Variants in WWOX observed in about 807,000 individuals in gnomAD.
WWOX encodes the protein WW domain-containing oxidoreductase.
A neutral mutation model predicts 46.2 loss-of-function variants in WWOX; 69 were observed. That is an observed-to-expected ratio of 1.49 (90% confidence interval 1.23 to 1.82). The LOEUF is 1.82. Among genes scored for constraint, WWOX ranks in the 40% most tolerant of loss-of-function variants. WWOX has a pLI of 0.00. For missense variants in WWOX, 919 were observed against 542.6 expected, an observed-to-expected ratio of 1.69 and a Z score of -6.89; for synonymous variants, 359 against 202.6, an observed-to-expected ratio of 1.77 and a Z score of -6.56.
Position 78,410,686 on chromosome 16 carries a change from A to G in WWOX, c.606-14184A>G, listed in dbSNP as rs547963799. On this transcript the variant is annotated intron_variant, in intron 6 of 8. Coordinates refer to ENST00000566780, the MANE Select transcript of WWOX (RefSeq NM_016373.4). The stretch of plus-strand genomic sequence containing the variant: ...TTGGGCATGGTGGCACATGCATGTA[A>G]TCCCAGTTAGTTGGGGGGCTAAGGC... Among the ~76,000 whole-genome samples the G allele has an allele frequency of 2.6e-5, 4 of 151,466 alleles. No homozygotes were observed. In the East Asian group the frequency reaches 8.0e-4, roughly 30 times the overall value.
At chr16:78,758,000 G>C (rs1198049852) in intron 8 of WWOX, among the ~76,000 whole-genome samples, 1 of 151,986 alleles carries the variant, frequency 6.6e-6, no homozygotes, top group Non-Finnish European at 1.5e-5. Context: ...GATCAGCCAG[G>C]ATGCTCTTTT....
rs538158378 is a variant in WWOX, at chr16:78,857,501, G to C, written c.1057-354107G>C. On this transcript the variant is annotated intron_variant, in intron 8 of 8. Transcript: ENST00000566780. ...TGATAAATTGCTTAAGCAATTTTCT[G>C]ATAAACTTTAATGCGATTAAGACTT... Among the ~76,000 whole-genome samples, 4 of 152,226 alleles carry C rather than the reference G, an allele frequency of 2.6e-5. No individual in the cohort carries two copies. In the South Asian group the frequency reaches 6.2e-4, roughly 24 times the overall value.
chr16:78,509,513 A>G (rs1299956960), intron 8 of WWOX, among the ~76,000 whole-genome samples: 1 of 152,096 alleles, frequency 6.6e-6, no homozygotes, highest in African/African-American at 2.4e-5. Context: ...GCATGTGACT[A>G]TTAGCTGTGC....
intron 8 of WWOX, among the ~76,000 whole-genome samples, chr16:78,729,677 A>C (rs2048921085): frequency 6.6e-6 from 1 of 152,112 alleles, no homozygotes; most frequent in Admixed American, 6.5e-5. Flanking sequence ...GGAACTGCAA[A>C]AGAACAAGTT....
chr16:79,122,476 C>G (rs897276985), intron 8 of WWOX, among the ~76,000 whole-genome samples: 1 of 151,852 alleles, frequency 6.6e-6, no homozygotes, highest in Non-Finnish European at 1.5e-5. Flanking sequence ...TGTTTCTTTC[C>G]TTCTCTTGCT....
chr16:78,123,455 G>GTTTTT (rs58409419), intron 4 of WWOX: 73 of 65,516 alleles, frequency 1.1e-3, no homozygotes, highest in African/African-American at 2.4e-3. Context: ...TTTTTTTTTT[G>GTTTTT]TTTTTTTTTT....
intron 5 of WWOX, among the ~76,000 whole-genome samples, chr16:78,350,363 T>C (rs2081162386): frequency 8.2e-6 from 1 of 121,762 alleles, no homozygotes; most frequent in Admixed American, 8.0e-5. Context: ...CAGAGAGTTT[T>C]GCAGCTGTCA....
chr16:78,332,281 C>T (rs558638461), intron 5 of WWOX, among the ~76,000 whole-genome samples: 2 of 152,314 alleles, frequency 1.3e-5, no homozygotes, highest in South Asian at 2.1e-4. Context: ...ATCTCTGCTT[C>T]CGCATTTCTA....
chr16:78,891,409 T>TA (rs1321942440), intron 8 of WWOX: 3 of 152,128 alleles, frequency 2.0e-5, no homozygotes, highest in African/African-American at 7.2e-5. Flanking sequence ...AATACAGAGT[T>TA]AAAAAGGTGA....
intron 4 of WWOX, among the ~76,000 whole-genome samples, chr16:78,126,007 T>C (rs2033345735): frequency 1.3e-5 from 2 of 152,214 alleles, no homozygotes; most frequent in South Asian, 4.1e-4. Context: ...ATACTATTAA[T>C]ATTTAGCATG....
At chr16:78,519,796 A>G (rs997097857) in intron 8 of WWOX, among the ~76,000 whole-genome samples, 1 of 152,096 alleles carries the variant, frequency 6.6e-6, no homozygotes, top group Non-Finnish European at 1.5e-5. Context: ...CCCTTACCCA[A>G]CACCACATCT....
At chr16:78,504,692 G>A (rs768341728) in intron 8 of WWOX, among the ~76,000 whole-genome samples, 4 of 152,150 alleles carry the variant, frequency 2.6e-5, no homozygotes, top group Non-Finnish European at 5.9e-5. Flanking sequence ...GAGGATGGGA[G>A]AATTAATTCC....
At chr16:78,265,434 A>C (rs1038772284) in intron 5 of WWOX, among the ~76,000 whole-genome samples, 1 of 152,076 alleles carries the variant, frequency 6.6e-6, no homozygotes, top group Admixed American at 6.5e-5. Flanking sequence ...TAATCCCAGC[A>C]CTTTGGGAGG....
intron 8 of WWOX, among the ~76,000 whole-genome samples, chr16:78,868,741 G>C (rs2044061739): frequency 6.6e-6 from 1 of 152,148 alleles, no homozygotes; most frequent in Non-Finnish European, 1.5e-5. Context: ...CATAGGCTCT[G>C]GCTCACTATA....
At chr16:78,953,573 G>A (rs536173024) in intron 8 of WWOX, among the ~76,000 whole-genome samples, 6 of 152,228 alleles carry the variant, frequency 3.9e-5, no homozygotes, top group South Asian at 2.1e-4. Context: ...ACTCATTGAC[G>A]GCAGAGAGTG....
intron 8 of WWOX, among the ~76,000 whole-genome samples, chr16:78,486,422 C>T (rs1036467951): frequency 1.1e-4 from 16 of 152,172 alleles, no homozygotes; most frequent in Admixed American, 7.2e-4. Flanking sequence ...TTGAATCATA[C>T]ATTTATCTAC....
chr16:78,597,907 A>T (rs944419062), intron 8 of WWOX, among the ~76,000 whole-genome samples: 4 of 151,930 alleles, frequency 2.6e-5, no homozygotes, highest in Non-Finnish European at 4.4e-5. Context: ...GAGCCTTTTC[A>T]GACACTGTAA....
intron 6 of WWOX, among the ~76,000 whole-genome samples, chr16:78,414,082 C>T (rs373899815): frequency 3.2e-4 from 49 of 152,116 alleles, no homozygotes; most frequent in African/African-American, 1.2e-3. Flanking sequence ...TTGTGACATT[C>T]CTCTTCCTGA....
chr16:78,820,673 C>T (rs932979474), intron 8 of WWOX, among the ~76,000 whole-genome samples: 3 of 152,122 alleles, frequency 2.0e-5, no homozygotes, highest in South Asian at 2.1e-4. Flanking sequence ...AACCATGCCA[C>T]GTGTATGTGT....
Sources: gnomAD v4.1 joint callset for allele counts (sites outside exome capture counted in the v4.1 genomes callset) on GRCh38, gnomAD v4.1.1 for gene constraint, MANE v1.5 for transcripts, NCBI Gene and HGNC (gene_info 2026-07-23, HGNC 2026-07-21) for gene names.